The following TGM4 variants were observed in gnomAD, a reference collection of about 807,000 sequenced individuals.
The protein encoded by TGM4 is transglutaminase 4.
TGM4 carries 61 observed loss-of-function variants against 76.3 expected under a neutral mutation model. The ratio of observed to expected loss-of-function variants is 0.80; its 90% CI spans 0.65 to 0.99. The LOEUF (loss-of-function observed/expected upper bound fraction) is 0.99. Ranked by LOEUF, TGM4 falls within the 50% of genes least tolerant of loss-of-function variation. TGM4 has a pLI of 0.00. For missense variants in TGM4, 794 were observed against 843.2 expected (o/e 0.94, Z 0.72); for synonymous variants, 337 against 329.8 (o/e 1.02, Z -0.24).
intron 5 of TGM4, among the ~76,000 whole-genome samples, chr3:44,896,442 AT>A (rs1419266338): frequency 5.9e-5 from 9 of 152,062 alleles, no homozygotes; most frequent in Non-Finnish European, 1.2e-4. Flanking sequence ...TTACAAAGGA[AT>A]TTTCCCCATG....
intron 12 of TGM4, 63 bp from the exon 13 acceptor site, chr3:44,911,207 G>A: frequency 4.3e-6 from 7 of 1,610,592 alleles, no homozygotes; most frequent in Non-Finnish European, 4.2e-6. Flanking sequence ...TAAGAACCCT[G>A]AGGGTCCTTG....
At chr3:44,906,776 G>T (rs1468643640) in intron 9 of TGM4, among the ~76,000 whole-genome samples, 173 bp from the exon 10 acceptor site, 2 of 152,180 alleles carry the variant, frequency 1.3e-5, no homozygotes, top group Non-Finnish European at 2.9e-5. Context: ...GCTGAGATGT[G>T]CCCCTCTTTT....
chr3:44,885,221 C>T (rs1014533446), intron 1 of TGM4, 104 bp from the exon 2 acceptor site: 1 of 1,257,478 alleles, frequency 8.0e-7, no homozygotes, highest in Non-Finnish European at 1.1e-6. Flanking sequence ...ACTCTAAAGC[C>T]CAGCTCCACC....
Position 44,893,711 on chromosome 3 carries a change from C to T in TGM4, c.549+16C>T. 1 of 1,607,766 alleles carries T rather than the reference C, an allele frequency of 6.2e-7. No individual in the cohort carries two copies. The highest frequency in any genetic ancestry group is 8.5e-7 in the Non-Finnish European group (1 of 1,174,368). On this transcript the variant is annotated intron_variant, in intron 5 of 13. Transcript: ENST00000296125. Reference sequence around the variant, plus strand: ...CTTTGGTCAGGTAATGATTTGTCGTCTTGTGGCTGCACCAGGCCCCATCTG... The same window carrying T: ...CTTTGGTCAGGTAATGATTTGTCGTTTTGTGGCTGCACCAGGCCCCATCTG...
intron 11 of TGM4, 29 bp from the exon 12 acceptor site, chr3:44,910,929 C>T (rs1699995543): frequency 6.2e-7 from 1 of 1,607,490 alleles, no homozygotes; most frequent in Non-Finnish European, 8.5e-7. Context: ...GATGAATGAC[C>T]TCTCCCCTCC....
rs999650950 is a variant in TGM4, at chr3:44,914,364, A to T, written c.*639A>T. On this transcript the variant is annotated 3_prime_UTR_variant, in exon 14 of 14. Coordinates refer to ENST00000296125, the MANE Select transcript of TGM4 (RefSeq NM_003241.4). ...AGGCCTGAACTCACCATAGAGACCC[A>T]TGTCAGCAAACGGTGACCAGCAAAT... 4.6e-5 allele frequency: 7 copies of T among 152,292 alleles called. No individual in the cohort carries two copies. The highest frequency in any genetic ancestry group is 8.8e-5 in the Non-Finnish European group (6 of 68,148). 9.4% of individuals were successfully genotyped at this position (152,292 alleles called of 1,614,324 possible).
chr3:44,897,155 C>A (rs1003135747), intron 6 of TGM4, among the ~76,000 whole-genome samples: 3 of 152,114 alleles, frequency 2.0e-5, no homozygotes, highest in Non-Finnish European at 2.9e-5. Context: ...CAGGCACATG[C>A]CACCACGCCC....
chr3:44,879,773 C>T (rs897933319), intron 1 of TGM4, among the ~76,000 whole-genome samples: 7 of 149,758 alleles, frequency 4.7e-5, no homozygotes, highest in African/African-American at 9.8e-5. Context: ...CCACTGTGCC[C>T]GGCCCTATAT....
At chr3:44,904,543 A>AT (rs935808935) in intron 9 of TGM4, among the ~76,000 whole-genome samples, 2 of 152,196 alleles carry the variant, frequency 1.3e-5, no homozygotes, top group Admixed American at 1.3e-4. Flanking sequence ...AAGCAGAGGC[A>AT]TGGGGTTGGT....
Position 44,891,834 on chromosome 3 carries a change from G to A in TGM4, c.430+1102G>A, listed in dbSNP as rs369852729. 1.1e-3 allele frequency among the ~76,000 whole-genome samples: 167 copies of A among 151,866 alleles called. 1 individual carries two copies. The Middle Eastern group carries it at 0.014, about 12-fold the overall frequency. ...CTAAAAATACAAAAAAATTAGCCGGGCATGGTGGCGGGCGCCTATATTCTC... is the reference window on the plus strand; with the variant it reads ...CTAAAAATACAAAAAAATTAGCCGGACATGGTGGCGGGCGCCTATATTCTC... On this transcript the variant is annotated intron_variant, in intron 4 of 13. Transcript: ENST00000296125.
chr3:44,905,291 C>CT (rs5848717), intron 9 of TGM4, among the ~76,000 whole-genome samples: 81,279 of 148,534 alleles, frequency 0.55, 22,789 homozygotes, highest in East Asian at 0.88. Flanking sequence ...CAGCCTCAAA[C>CT]TTTTTTTTTT....
chr3:44,881,665 T>C (rs1011113957), intron 1 of TGM4, among the ~76,000 whole-genome samples: 3 of 152,246 alleles, frequency 2.0e-5, no homozygotes, highest in Non-Finnish European at 4.4e-5. Context: ...TGGAAAATCA[T>C]AAGCTTCTAA....
Position 44,907,214 on chromosome 3 carries a change from A to G in TGM4, c.1327+14A>G. 6.2e-7 allele frequency: 1 copy of G among 1,612,148 alleles called. No homozygotes were observed. Among genetic ancestry groups the G allele is most frequent in the Non-Finnish European group, 8.5e-7 (1 of 1,179,226 alleles). ...AGTATCCAGAAGGTGCTAGCATCAC[A>G]GGGCTCCTTCTGACTCAGCCCCTGA... On this transcript the variant is annotated intron_variant, in intron 10 of 13. Transcript: ENST00000296125.
At position 44,874,703 on chromosome 3, in the gene TGM4, T is replaced by C. The variant is rs1255393340; in HGVS notation, c.19+6T>C. The C allele has an allele frequency of 2.5e-6, 4 of 1,613,992 alleles. No homozygotes were observed. The African/African-American group carries it at 4.0e-5, about 16-fold the overall frequency. Reference sequence around the variant, plus strand: ...GATGATGGATGCATCAAAAGGTGAGTGGGTGAAATCTCCATGGAGCCCCAC... The same window carrying C: ...GATGATGGATGCATCAAAAGGTGAGCGGGTGAAATCTCCATGGAGCCCCAC... On this transcript the variant is annotated splice_donor_region_variant and intron_variant, in intron 1 of 13. Coordinates refer to ENST00000296125, the MANE Select transcript of TGM4 (RefSeq NM_003241.4).
chr3:44,895,321 G>T (rs1364646493), intron 5 of TGM4, among the ~76,000 whole-genome samples: 1 of 151,608 alleles, frequency 6.6e-6, no homozygotes, highest in South Asian at 2.1e-4. Context: ...AAATCAAGCG[G>T]TGATTTTAAG....
chr3:44,878,354 T>C (rs969742150), intron 1 of TGM4, among the ~76,000 whole-genome samples: 4 of 151,898 alleles, frequency 2.6e-5, no homozygotes, highest in African/African-American at 9.7e-5. Flanking sequence ...GAAAGATACC[T>C]AGATACTTTA....
chr3:44,906,527 C>T (rs1699923954), intron 9 of TGM4, among the ~76,000 whole-genome samples: 1 of 152,186 alleles, frequency 6.6e-6, no homozygotes, highest in African/African-American at 2.4e-5. Flanking sequence ...TTAATTTAAT[C>T]TTCGCAATAG....
intron 9 of TGM4, among the ~76,000 whole-genome samples, 161 bp from the exon 10 acceptor site, chr3:44,906,788 A>C (rs899018416): frequency 6.6e-6 from 1 of 152,178 alleles, no homozygotes; most frequent in Non-Finnish European, 1.5e-5. Flanking sequence ...CCCTCTTTTC[A>C]GAATAGTTAA....
At chr3:44,898,992 C>T (rs1575721930) in intron 6 of TGM4, among the ~76,000 whole-genome samples, 1 of 152,170 alleles carries the variant, frequency 6.6e-6, no homozygotes, top group South Asian at 2.1e-4. Flanking sequence ...CTCAGTGGTG[C>T]AGGTGGACTG....
Sources: allele counts gnomAD v4.1 joint callset (sites outside exome capture counted in the v4.1 genomes callset), GRCh38; gene constraint gnomAD v4.1.1; transcripts MANE v1.5; gene names NCBI Gene and HGNC (gene_info 2026-07-23, HGNC 2026-07-21).